The following CCDC125 variants were observed in gnomAD, a reference collection of about 807,000 sequenced individuals.
The protein encoded by CCDC125 is coiled-coil domain-containing protein 125.
A neutral mutation model predicts 57.4 loss-of-function variants in CCDC125; 43 were observed. The ratio of observed to expected loss-of-function variants is 0.75; its 90% CI spans 0.59 to 0.97. The LOEUF is 0.97. CCDC125 is among the 50% of genes least tolerant of loss of function. The pLI, the probability that CCDC125 is intolerant of heterozygous loss-of-function variation, is 0.00. For missense variants in CCDC125, 563 were observed against 595.7 expected (o/e 0.95, Z 0.57); for synonymous variants, 187 against 195.2 (o/e 0.96, Z 0.35).
At chr5:69,292,879 C>T (rs550101637) in intron 9 of CCDC125, among the ~76,000 whole-genome samples, 50 of 150,258 alleles carry the variant, frequency 3.3e-4, no homozygotes, top group African/African-American at 1.2e-3. Context: ...CTCGCTCTGT[C>T]GCCCAGGCTG....
At chr5:69,314,103 A>G in intron 2 of CCDC125, 57 bp from the exon 3 acceptor site, 1 of 1,162,138 alleles carries the variant, frequency 8.6e-7, no homozygotes, top group South Asian at 1.2e-5. Flanking sequence ...ATTTTAACTA[A>G]TTAAACATAG....
At chr5:69,279,679 G>A (rs780153080), downstream of CCDC125, among the ~76,000 whole-genome samples, 16 of 151,986 alleles carry the variant, frequency 1.1e-4, no homozygotes, top group Non-Finnish European at 1.8e-4. Flanking sequence ...TGACTTCCTC[G>A]TGTGTGTGTG....
chr5:69,325,439 G>T (rs1055878467), intron 1 of CCDC125, among the ~76,000 whole-genome samples: 1 of 151,696 alleles, frequency 6.6e-6, no homozygotes. Context: ...CACTCTGCAA[G>T]AAAATACCAT....
At position 69,311,207 on chromosome 5, in the gene CCDC125, G is replaced by A. The variant is rs760149267; in HGVS notation, c.367-3C>T. 13 of 1,585,976 alleles carry A rather than the reference G, an allele frequency of 8.2e-6. No homozygotes were observed. In the Admixed American group the frequency reaches 1.4e-4, roughly 17 times the overall value. On this transcript the variant is annotated splice_region_variant and splice_polypyrimidine_tract_variant and intron_variant, in intron 3 of 11. Transcript: ENST00000396496. ...TCAGTTTTTAACATTTCTACCTCCT[G>A]AGGACAGAAAGAAAATTAGTCTTCC...
intron 10 of CCDC125, among the ~76,000 whole-genome samples, chr5:69,287,542 C>T (rs1345067516): frequency 1.3e-5 from 2 of 151,542 alleles, no homozygotes; most frequent in Non-Finnish European, 2.9e-5. Context: ...AGATTACAGG[C>T]GTGCCACTGC....
rs1185332263 is a variant in CCDC125, at chr5:69,282,763, C to A, written c.1502G>T (p.Arg501Ile). The A allele has an allele frequency of 2.5e-6, 4 of 1,603,276 alleles. No individual in the cohort carries two copies. Among genetic ancestry groups the A allele is most frequent in the East Asian group, 2.2e-5 (1 of 44,752 alleles). The change falls in exon 12 of 12, where the codon AGA (arginine) becomes ATA (isoleucine). Residue 501 changes from arginine (R) to isoleucine (I), a missense_variant. Coordinates refer to ENST00000396496, the MANE Select transcript of CCDC125 (RefSeq NM_176816.5). Reference sequence around the variant, plus strand: ...GATACTTGATGGCAAAGAATGGGATCTTTTAAGAGTTCTATAGTTTGGATC... The same window carrying A: ...GATACTTGATGGCAAAGAATGGGATATTTTAAGAGTTCTATAGTTTGGATC... ...QIDPNYRTLK[R>I]SHSLPSSIIF
In CCDC125 at chr5:69,307,817, G is replaced by A. The variant is rs1757572367; in HGVS notation, c.531+134C>T. On this transcript the variant is annotated intron_variant, in intron 5 of 11. Transcript: ENST00000396496. ...GTTTTAGATTGTAAACTCCAAAAGG[G>A]AAGACCATCAGAACTGAAGCACACC... is the stretch of plus-strand genomic sequence containing the variant. 8 of 657,072 alleles carry A rather than the reference G, an allele frequency of 1.2e-5. No homozygotes were observed. In the South Asian group the frequency reaches 1.4e-4, roughly 12 times the overall value. 40.7% of individuals were successfully genotyped at this position (657,072 alleles called of 1,614,324 possible).
At chr5:69,306,405 T>G (rs916354421) in intron 6 of CCDC125, among the ~76,000 whole-genome samples, 3 of 152,210 alleles carry the variant, frequency 2.0e-5, no homozygotes, top group Non-Finnish European at 4.4e-5. Flanking sequence ...CATGGCTCAC[T>G]GCAGCCTCCA....
intron 3 of CCDC125, chr5:69,313,721 C>G (rs1758535158): frequency 1.3e-6 from 1 of 771,790 alleles, no homozygotes; most frequent in East Asian, 2.4e-5. Context: ...CCTTGCCCTC[C>G]CCTTCAGGAT....
In CCDC125 at chr5:69,282,935, C is replaced by A; in HGVS notation, c.1330G>T (p.Glu444Ter). The change falls in exon 12 of 12, where the codon GAA (glutamate) becomes TAA (stop). Residue 444 changes from glutamate (E) to a stop codon, truncating the protein, a stop_gained. Transcript: ENST00000396496. LOFTEE classifies it low-confidence loss of function (END_TRUNC). The part of the protein sequence containing the change: ...DKDTASNENK[E>*]KNPIKENFPF... ...AAATTCTCTTTTATAGGATTTTTTT[C>A]TTTATTCTCGTTTGAAGCAGTGTCT... The A allele has an allele frequency of 6.2e-7, 1 of 1,613,892 alleles. No individual in the cohort carries two copies. The highest frequency in any genetic ancestry group is 8.5e-7 in the Non-Finnish European group (1 of 1,179,966).
At chr5:69,315,773 A>AT (rs1758976677) in intron 2 of CCDC125, among the ~76,000 whole-genome samples, 1 of 139,110 alleles carries the variant, frequency 7.2e-6, no homozygotes, top group Non-Finnish European at 1.6e-5. Flanking sequence ...AAAAAAAAAA[A>AT]AAAAAGAAAC....
chr5:69,322,594 G>A (rs959029825), intron 1 of CCDC125, among the ~76,000 whole-genome samples: 1 of 150,730 alleles, frequency 6.6e-6, no homozygotes, highest in Non-Finnish European at 1.5e-5. Flanking sequence ...AGACAGTCTT[G>A]CTCTGTCGCC....
At position 69,322,866 on chromosome 5, in the gene CCDC125, T is replaced by A. The variant is rs575268379; in HGVS notation, c.-40-2286A>T. Among the ~76,000 whole-genome samples, 707 of 149,578 alleles carry A rather than the reference T, an allele frequency of 4.7e-3. 3 individuals are homozygous for A. The highest frequency in any genetic ancestry group is 0.015 in the African/African-American group (630 of 40,924). ...GTGAGCCACCGCACTGGCCCAAAAATTTTTTTTTAAATTAGCTGGTGGCAC... is the reference window on the plus strand; with the variant it reads ...GTGAGCCACCGCACTGGCCCAAAAAATTTTTTTTAAATTAGCTGGTGGCAC... On this transcript the variant is annotated intron_variant, in intron 1 of 11. Transcript: ENST00000396496.
intron 1 of CCDC125, among the ~76,000 whole-genome samples, chr5:69,327,164 G>A (rs998316249): frequency 6.7e-6 from 1 of 149,270 alleles, no homozygotes; most frequent in Non-Finnish European, 1.5e-5. Context: ...GCGAGATCTC[G>A]GCTCACTGCA....
At chr5:69,317,880 C>T (rs1311253146) in intron 2 of CCDC125, among the ~76,000 whole-genome samples, 1 of 151,928 alleles carries the variant, frequency 6.6e-6, no homozygotes, top group Non-Finnish European at 1.5e-5. Flanking sequence ...TTACTCTCCC[C>T]TTCATTCTGG....
intron 10 of CCDC125, among the ~76,000 whole-genome samples, chr5:69,287,339 C>T (rs998587180): frequency 3.6e-4 from 55 of 151,192 alleles, no homozygotes; most frequent in African/African-American, 1.2e-3. Context: ...TCTTGGCTCA[C>T]CACAACCTCT....
At chr5:69,278,918 G>A (rs111646038), downstream of CCDC125, among the ~76,000 whole-genome samples, 16,311 of 149,864 alleles carry the variant, frequency 0.11, 1,175 homozygotes, top group Admixed American at 0.16. Flanking sequence ...CCAGGCTGGA[G>A]TGCAGTGGTG....
Position 69,300,001 on chromosome 5 carries a change from T to C in CCDC125, c.816+11A>G. ...GTCCCTTCTGTTCAGCTTTCCTGCA[T>C]GCTTACCTACCTCAAGACCTGAAGC... On this transcript the variant is annotated intron_variant, in intron 8 of 11. Coordinates refer to ENST00000396496, the MANE Select transcript of CCDC125 (RefSeq NM_176816.5). 1 of 1,596,262 alleles carries C rather than the reference T, an allele frequency of 6.3e-7. No individual in the cohort carries two copies. The highest frequency in any genetic ancestry group is 8.6e-7 in the Non-Finnish European group (1 of 1,163,654).
Position 69,300,070 on chromosome 5 carries a change from A to G in CCDC125, c.758T>C (p.Met253Thr), listed in dbSNP as rs1321945697. 61 of 1,614,126 alleles carry G rather than the reference A, an allele frequency of 3.8e-5. No homozygotes were observed. The highest frequency in any genetic ancestry group is 5.0e-5 in the Non-Finnish European group (59 of 1,180,052). ...LAMLDIKQQK[M>T]AQENMCCDKS... ...ATCACAGCACATGTTTTCCTGAGCC[A>G]TCTTCTGCTGTTTGATATCAAGCAT... Residue 253 changes from methionine to threonine, a missense_variant, in exon 8 of 12, where the codon ATG (methionine) becomes ACG (threonine). Met to Thr is a moderately conservative substitution (Grantham distance 81, BLOSUM62 -1). Coordinates refer to ENST00000396496, the MANE Select transcript of CCDC125 (RefSeq NM_176816.5).
Sources: gnomAD v4.1 joint callset for allele counts (sites outside exome capture counted in the v4.1 genomes callset) on GRCh38, gnomAD v4.1.1 for gene constraint, MANE v1.5 for transcripts, NCBI Gene and HGNC (gene_info 2026-07-23, HGNC 2026-07-21) for gene names.